CACNA1C: variants seen among roughly 807,000 people sequenced by gnomAD.
The protein encoded by CACNA1C is calcium voltage-gated channel subunit alpha1 C, also known as voltage-dependent L-type calcium channel subunit alpha-1C.
Under a neutral mutation model 229.0 loss-of-function variants are expected in CACNA1C, and 30 were observed. The observed-to-expected ratio is 0.13, with a 90% CI of 0.10 to 0.18. The LOEUF (loss-of-function observed/expected upper bound fraction) is 0.18. Ranked by LOEUF, CACNA1C falls within the 10% of genes least tolerant of loss-of-function variation. The probability of loss-of-function intolerance (pLI) is 1.00; values close to 1 mark genes in which losing one functional copy is unlikely to be tolerated. For synonymous variants in CACNA1C, 1,114 were observed against 1,132.5 expected (o/e 0.98, Z 0.33); for missense variants, 1,658 against 2,845.0 (o/e 0.58, Z 9.49).
chr12:2,639,314 GA>G lies in CACNA1C; in HGVS notation c.3912+4937del, dbSNP rs1340004167. On this transcript the variant is annotated intron_variant, in intron 30 of 46. Transcript: ENST00000399655. The surrounding 1 kb of genome is among the most constrained non-coding windows in gnomAD (Gnocchi z 4.2). ...ATCATATTTTCCTGTGATTGTTCGT[GA>G]AAGTTACTACAGCACCAGAAACTGC... Among the ~76,000 whole-genome samples the G allele has an allele frequency of 6.6e-6, 1 of 152,210 alleles. No homozygotes were observed. The highest frequency in any genetic ancestry group is 1.9e-4 in the East Asian group (1 of 5,192).
chr12:2,651,856 C>A lies in CACNA1C; in HGVS notation c.4074+88C>A. 2 of 1,037,826 alleles carry A rather than the reference C, an allele frequency of 1.9e-6. No homozygotes were observed. The highest frequency in any genetic ancestry group is 1.6e-5 in the South Asian group (1 of 61,474). The allele number at this position is 1,037,826 out of a possible 1,614,324, so 64.3% of individuals were successfully genotyped here. ...AGCTGACACAAGGAGGAGCCCTCCA[C>A]TCTGGGGCCCTGCTCCTTCCTCTGT... On this transcript the variant is annotated intron_variant, in intron 32 of 46. Transcript: ENST00000399655. This position sits in a 1 kb window ranked among gnomAD's most constrained non-coding sequence, Gnocchi z 5.4.
upstream of CACNA1C, among the ~76,000 whole-genome samples, chr12:2,050,870 T>C (rs577672254): frequency 7.2e-5 from 11 of 152,292 alleles, no homozygotes; most frequent in East Asian, 7.7e-4. Flanking sequence ...ATAGGGGGAA[T>C]TGCAACACTC....
chr12:2,519,872 A>ATT (rs2099806144), intron 9 of CACNA1C, among the ~76,000 whole-genome samples: 1 of 152,248 alleles, frequency 6.6e-6, no homozygotes, highest in Non-Finnish European at 1.5e-5. Flanking sequence ...TTTGGAGCAC[A>ATT]GCCTGGCTGC....
Position 2,679,433 on chromosome 12 carries a change from C to T in CACNA1C, c.5092-11C>T. The T allele has an allele frequency of 1.3e-6, 2 of 1,521,038 alleles. No individual in the cohort carries two copies. The highest frequency in any genetic ancestry group is 2.4e-5 in the East Asian group (1 of 41,872). 94.2% of individuals were successfully genotyped at this position (1,521,038 alleles called of 1,614,324 possible). On this transcript the variant is annotated splice_polypyrimidine_tract_variant and intron_variant, in intron 41 of 46. Transcript: ENST00000399655. The surrounding 1 kb of genome is among the most constrained non-coding windows in gnomAD (Gnocchi z 5.5). Reference sequence around the variant, plus strand: ...GGGGCTTCTCCACCCACCCCTCCTTCTTGCCTACAGAGGGCCGGTGGCCTG... The same window carrying T: ...GGGGCTTCTCCACCCACCCCTCCTTTTTGCCTACAGAGGGCCGGTGGCCTG...
intron 31 of CACNA1C, chr12:2,650,953 C>T (rs924057387): frequency 6.5e-6 from 1 of 152,738 alleles, no homozygotes; most frequent in African/African-American, 2.4e-5. Context: ...AGTAGGAGGG[C>T]AACAGCTTCG....
Position 2,601,727 on chromosome 12 carries a change from T to A in CACNA1C, c.2854-127T>A, listed in dbSNP as rs561385976. 1.4e-6 allele frequency: 1 copy of A among 718,844 alleles called. No homozygotes were observed. The highest frequency in any genetic ancestry group is 2.6e-6 in the Non-Finnish European group (1 of 387,312). The allele number at this position is 718,844 out of a possible 1,614,324, so 44.5% of individuals were successfully genotyped here. ...GGCACCATAGCGCCGTCTTTGTCCTTCCTGTTCCCCATGGATGGTGCTTGG... is the reference window on the plus strand; with the variant it reads ...GGCACCATAGCGCCGTCTTTGTCCTACCTGTTCCCCATGGATGGTGCTTGG... On this transcript the variant is annotated intron_variant, in intron 21 of 46. Coordinates refer to ENST00000399655, the MANE Select transcript of CACNA1C (RefSeq NM_000719.7). This position sits in a 1 kb window ranked among gnomAD's most constrained non-coding sequence, Gnocchi z 5.9.
chr12:2,245,098 C>A (rs985794824), intron 3 of CACNA1C, among the ~76,000 whole-genome samples: 23 of 152,196 alleles, frequency 1.5e-4, no homozygotes, highest in Admixed American at 1.5e-3. Context: ...GCAGGCAAGA[C>A]AGAAACAGCA....
intron 18 of CACNA1C, among the ~76,000 whole-genome samples, chr12:2,588,762 A>G (rs771081319): frequency 7.9e-5 from 12 of 152,256 alleles, no homozygotes; most frequent in Admixed American, 2.0e-4. Flanking sequence ...CATTGTGCCC[A>G]GATGAGTGGA....
intron 3 of CACNA1C, among the ~76,000 whole-genome samples, chr12:2,265,595 G>A (rs181182150): frequency 4.6e-5 from 7 of 152,334 alleles, no homozygotes; most frequent in Admixed American, 2.0e-4. Context: ...CATCCCCCAG[G>A]GGACCATCTT....
chr12:2,541,440 A>G (rs531158831), intron 9 of CACNA1C, among the ~76,000 whole-genome samples: 10 of 152,338 alleles, frequency 6.6e-5, no homozygotes, highest in South Asian at 6.2e-4. Flanking sequence ...GGCAAAGTCA[A>G]TTCCTTAGTT....
chr12:2,599,342 G>A lies in CACNA1C; in HGVS notation c.2853+2053G>A, dbSNP rs377445320. 2.4e-4 allele frequency among the ~76,000 whole-genome samples: 36 copies of A among 152,290 alleles called. No individual in the cohort carries two copies. In the South Asian group the frequency reaches 5.8e-3, roughly 25 times the overall value. On this transcript the variant is annotated intron_variant, in intron 21 of 46. Coordinates refer to ENST00000399655, the MANE Select transcript of CACNA1C (RefSeq NM_000719.7). ...GTGTCATGTCATGGCACAGATGACC[G>A]TGGCTGTCCAAGGGGGACATTTAGC...
At chr12:1,973,888 T>C (rs1430976342) in intron 1 of CACNA1C, among the ~76,000 whole-genome samples, 3 of 152,020 alleles carry the variant, frequency 2.0e-5, no homozygotes, top group Non-Finnish European at 2.9e-5. Flanking sequence ...ATGCAGGGAG[T>C]CCCTAATACA....
In CACNA1C at chr12:2,054,039, G is replaced by A. The variant is rs2053473331; in HGVS notation, c.49+428G>A. ...CGCCCGGCTCGGGGCGCGGCTGGGA[G>A]CGCGCGCGCGCGCACCCTGCGCCGG... On this transcript the variant is annotated intron_variant, in intron 1 of 46. Coordinates refer to ENST00000399655, the MANE Select transcript of CACNA1C (RefSeq NM_000719.7). The surrounding 1 kb of genome is among the most constrained non-coding windows in gnomAD (Gnocchi z 5.5). Among the ~76,000 whole-genome samples, 1 of 145,330 alleles carries A rather than the reference G, an allele frequency of 6.9e-6. No individual in the cohort carries two copies.
intron 3 of CACNA1C, among the ~76,000 whole-genome samples, chr12:2,316,764 G>T (rs143395425): frequency 3.2e-4 from 48 of 152,342 alleles, no homozygotes; most frequent in Middle Eastern, 3.4e-3. Flanking sequence ...TGTGCTGGCA[G>T]CCTGCGTGAC....
intron 3 of CACNA1C, among the ~76,000 whole-genome samples, chr12:2,139,941 AG>A (rs2093978433): frequency 1.3e-5 from 2 of 150,962 alleles, no homozygotes; most frequent in African/African-American, 2.4e-5. Context: ...CCTGGCTCTC[AG>A]GGTGCTGTGA....
At position 2,115,267 on chromosome 12, in the gene CACNA1C, T is replaced by C; in HGVS notation, c.93T>C (p.Asn31=). 1 of 1,592,742 alleles carries C rather than the reference T, an allele frequency of 6.3e-7. No individual in the cohort carries two copies. Among genetic ancestry groups the C allele is most frequent in the East Asian group, 2.3e-5 (1 of 43,784 alleles). ...CACGCCCCGCCCATGCCAACATGAA[T>C]GCCAATGCGGCAGCGGGGCTGGCCC... The part of the protein sequence containing the change: ...GSPRPAHANM[N]ANAAAGLAPE... Residue 31 remains asparagine, a synonymous_variant, in exon 2 of 47, where the codon AAT becomes AAC. Transcript: ENST00000399655.
intron 1 of CACNA1C, among the ~76,000 whole-genome samples, chr12:1,979,660 C>T (rs2035548169): frequency 6.6e-6 from 1 of 152,196 alleles, no homozygotes; most frequent in Non-Finnish European, 1.5e-5. Flanking sequence ...GGATCATACG[C>T]TAGTTATATG....
At chr12:2,366,544 T>C (rs1284816505) in intron 3 of CACNA1C, among the ~76,000 whole-genome samples, 1 of 152,214 alleles carries the variant, frequency 6.6e-6, no homozygotes, top group Admixed American at 6.5e-5. Context: ...AAGTTTTGTT[T>C]TGAACTTTGT....
chr12:1,981,501 A>C (rs2036114260), intron 1 of CACNA1C, among the ~76,000 whole-genome samples: 1 of 152,254 alleles, frequency 6.6e-6, no homozygotes. Context: ...ATTATACATA[A>C]GGTAAACTAT....
Sources: gnomAD v4.1 joint callset for allele counts (sites outside exome capture counted in the v4.1 genomes callset) on GRCh38, gnomAD v4.1.1 for gene constraint, Gnocchi (gnomAD v3.1) non-coding constraint, MANE v1.5 for transcripts, NCBI Gene and HGNC (gene_info 2026-07-23, HGNC 2026-07-21) for gene names.